Variants in NOTCH2NLC observed in about 807,000 individuals in gnomAD.
The protein encoded by NOTCH2NLC is notch 2 N-terminal like C.
NOTCH2NLC carries 4 observed loss-of-function variants against 17.7 expected under a neutral mutation model. That is an observed-to-expected ratio of 0.23 (90% CI 0.11 to 0.52). NOTCH2NLC has a LOEUF of 0.52. Among genes scored for constraint, NOTCH2NLC ranks in the 20% least tolerant of loss-of-function variants. The probability of loss-of-function intolerance (pLI) is 0.96; values close to 1 mark genes in which losing one functional copy is unlikely to be tolerated. For synonymous variants in NOTCH2NLC, 18 were observed against 86.0 expected, an observed-to-expected ratio of 0.21 and a Z score of 4.38; for missense variants, 57 against 207.2, an observed-to-expected ratio of 0.28 and a Z score of 4.45.
At chr1:149,425,392 C>T (rs2084407361) in intron 1 of NOTCH2NLC, among the ~76,000 whole-genome samples, 1 of 150,986 alleles carries the variant, frequency 6.6e-6, no homozygotes. Context: ...TCAGTGGAAG[C>T]ACAGACATGC....
chr1:149,463,714 C>G lies in NOTCH2NLC; in HGVS notation c.693C>G (p.Phe231Leu). The change falls in exon 4 of 5, where the codon TTC becomes TTG. Residue 231 changes from phenylalanine (F) to leucine (L), a missense_variant. Coordinates refer to ENST00000650865, the MANE Select transcript of NOTCH2NLC (RefSeq NM_001364013.2). ...GSYQCQCLQG[F>L]TGQYCDSLYV... is the part of the protein sequence containing the mutation. Reference sequence around the variant, plus strand: ...ACCAGTGCCAGTGCCTTCAGGGCTTCACAGGCCAGTACTGTGACAGCCTGT... The same window carrying G: ...ACCAGTGCCAGTGCCTTCAGGGCTTGACAGGCCAGTACTGTGACAGCCTGT... 2.3e-6 allele frequency: 1 copy of G among 435,348 alleles called. No homozygotes were observed. Among genetic ancestry groups the G allele is most frequent in the South Asian group, 2.2e-5 (1 of 46,110 alleles). The allele number at this position is 435,348 out of a possible 1,614,324, so 27.0% of individuals were successfully genotyped here.
chr1:149,424,202 A>G (rs2084398075), intron 1 of NOTCH2NLC, among the ~76,000 whole-genome samples: 1 of 151,380 alleles, frequency 6.6e-6, no homozygotes, highest in South Asian at 2.1e-4. Flanking sequence ...GTATAATTGG[A>G]GCTGATAAAC....
chr1:149,413,073 T>A (rs1366092177), intron 1 of NOTCH2NLC, among the ~76,000 whole-genome samples: 2 of 148,818 alleles, frequency 1.3e-5, no homozygotes, highest in African/African-American at 2.5e-5. Context: ...ACCCGGCTAA[T>A]TTTTTTGTAT....
intron 1 of NOTCH2NLC, among the ~76,000 whole-genome samples, chr1:149,413,582 T>G (rs1479164956): frequency 6.6e-6 from 1 of 150,972 alleles, no homozygotes; most frequent in Non-Finnish European, 1.5e-5. Context: ...GGATATGAAC[T>G]CAGCTGTTTT....
chr1:149,392,793 C>T (rs2084178317), intron 1 of NOTCH2NLC, among the ~76,000 whole-genome samples: 1 of 150,978 alleles, frequency 6.6e-6, no homozygotes, highest in East Asian at 2.0e-4. Flanking sequence ...AAGTATTGGC[C>T]GGGCGCGGTG....
chr1:149,416,583 G>T (rs1317838252), intron 1 of NOTCH2NLC, among the ~76,000 whole-genome samples: 3 of 92,158 alleles, frequency 3.3e-5, no homozygotes, highest in African/African-American at 8.4e-5. Flanking sequence ...TCAAGATAGG[G>T]TATATCATAC....
At position 149,390,910 on chromosome 1, in the gene NOTCH2NLC, A is replaced by G. The variant is rs2084162025; in HGVS notation, c.123A>G (p.Arg41=). 4 of 1,431,552 alleles carry G rather than the reference A, an allele frequency of 2.8e-6. No homozygotes were observed. Among genetic ancestry groups the G allele is most frequent in the South Asian group, 1.3e-5 (1 of 74,302 alleles). 88.7% of individuals were successfully genotyped at this position (1,431,552 alleles called of 1,614,324 possible). ...GCTGGCGCTCTGGCTGTGCTGCGCG[A>G]CCCCCGCGCATGGTGAGTATCGGGC... The part of the protein sequence containing the change: ...GRCWRSGCAA[R]PPRMCRDGYE... Residue 41 remains arginine, a synonymous_variant, in exon 1 of 5, where the codon CGA becomes CGG. Coordinates refer to ENST00000650865, the MANE Select transcript of NOTCH2NLC (RefSeq NM_001364013.2).
chr1:149,398,691 C>T (rs2101463397), intron 1 of NOTCH2NLC, among the ~76,000 whole-genome samples: 1 of 151,354 alleles, frequency 6.6e-6, no homozygotes, highest in Non-Finnish European at 1.5e-5. Flanking sequence ...TACGTCGCTC[C>T]AGCCATGGTA....
chr1:149,419,059 TTTTTC>T (rs1166964098), intron 1 of NOTCH2NLC, among the ~76,000 whole-genome samples: 20 of 150,262 alleles, frequency 1.3e-4, no homozygotes, highest in South Asian at 1.1e-3. Context: ...TTCTTTCTTT[TTTTTC>T]TTTTCTTTTC....
Position 149,468,963 on chromosome 1 carries a change from T to C in NOTCH2NLC, c.*4810T>C, listed in dbSNP as rs1211802556. Reference sequence around the variant, plus strand: ...GTGTCATTTTCTTTTCTTTTCTTTTTTTTTTTTTTTTTTTTTTTTGAGACG... The same window carrying C: ...GTGTCATTTTCTTTTCTTTTCTTTTCTTTTTTTTTTTTTTTTTTTGAGACG... On this transcript the variant is annotated 3_prime_UTR_variant, in exon 5 of 5. Coordinates refer to ENST00000650865, the MANE Select transcript of NOTCH2NLC (RefSeq NM_001364013.2). Among the ~76,000 whole-genome samples the C allele has an allele frequency of 7.7e-3, 928 of 120,480 alleles. 23 individuals carry two copies. The highest frequency in any genetic ancestry group is 0.049 in the East Asian group (171 of 3,520). 79.0% of individuals were successfully genotyped at this position (120,480 alleles called of 152,430 possible).
At chr1:149,407,149 G>A (rs2084276001) in intron 1 of NOTCH2NLC, among the ~76,000 whole-genome samples, 1 of 150,734 alleles carries the variant, frequency 6.6e-6, no homozygotes, top group African/African-American at 2.4e-5. Flanking sequence ...CAATAAGAAG[G>A]AACTGATTTG....
intron 2 of NOTCH2NLC, among the ~76,000 whole-genome samples, chr1:149,433,941 G>T (rs1367108853): frequency 6.8e-6 from 1 of 146,890 alleles, no homozygotes; most frequent in Non-Finnish European, 1.5e-5. Context: ...GAGTGAGACT[G>T]TGTCTCCAAA....
chr1:149,423,210 G>T (rs1296257569), intron 1 of NOTCH2NLC, among the ~76,000 whole-genome samples: 1 of 147,472 alleles, frequency 6.8e-6, no homozygotes, highest in Admixed American at 6.8e-5. Context: ...ACACTATTAG[G>T]AAAACAAAAT....
chr1:149,409,316 G>T (rs1319264507), intron 1 of NOTCH2NLC, among the ~76,000 whole-genome samples: 1 of 148,700 alleles, frequency 6.7e-6, no homozygotes, highest in Admixed American at 6.7e-5. Flanking sequence ...TTAACTCTGT[G>T]TGTGTGTGTG....
intron 2 of NOTCH2NLC, among the ~76,000 whole-genome samples, chr1:149,435,862 C>T (rs2084479464): frequency 6.8e-6 from 1 of 146,960 alleles, no homozygotes; most frequent in Non-Finnish European, 1.5e-5. Context: ...CACACTCTTC[C>T]TCTTCTGCTG....
At position 149,398,277 on chromosome 1, in the gene NOTCH2NLC, G is replaced by T. The variant is rs2084220191; in HGVS notation, c.135+7355G>T. Among the ~76,000 whole-genome samples, 2 of 150,220 alleles carry T rather than the reference G, an allele frequency of 1.3e-5. 1 individual carries two copies. The highest frequency in any genetic ancestry group is 4.9e-5 in the African/African-American group (2 of 40,692). Reference sequence around the variant, plus strand: ...AGACAAAAACCCCTTTGTCTGGTGAGGGTGTAAATATAAATTTGGCACATG... The same window carrying T: ...AGACAAAAACCCCTTTGTCTGGTGATGGTGTAAATATAAATTTGGCACATG... On this transcript the variant is annotated intron_variant, in intron 1 of 4. Coordinates refer to ENST00000650865, the MANE Select transcript of NOTCH2NLC (RefSeq NM_001364013.2).
At chr1:149,400,139 A>ATATATATATTTT (rs1570899101) in intron 1 of NOTCH2NLC, among the ~76,000 whole-genome samples, 2 of 131,942 alleles carry the variant, frequency 1.5e-5, no homozygotes, top group African/African-American at 5.7e-5. Flanking sequence ...TATAATATAT[A>ATATATATATTTT]TTTTTTTTTT....
At chr1:149,429,783 C>G (rs1366192493) in intron 1 of NOTCH2NLC, among the ~76,000 whole-genome samples, 1 of 150,896 alleles carries the variant, frequency 6.6e-6, no homozygotes, top group African/African-American at 2.4e-5. Context: ...CGTCTCTGAT[C>G]TTGCACAATT....
intron 3 of NOTCH2NLC, among the ~76,000 whole-genome samples, chr1:149,461,135 A>T (rs1220073978): frequency 4.0e-5 from 6 of 150,050 alleles, no homozygotes; most frequent in Non-Finnish European, 8.9e-5. Context: ...GCGTTTCACC[A>T]TGTTGGCCAG....
Sources: gnomAD v4.1 joint callset for allele counts (sites outside exome capture counted in the v4.1 genomes callset) on GRCh38, gnomAD v4.1.1 for gene constraint, MANE v1.5 for transcripts, NCBI Gene and HGNC (gene_info 2026-07-23, HGNC 2026-07-21) for gene names.